Variants in CELF2 observed in about 807,000 individuals in gnomAD.
CELF2 encodes the protein CUGBP Elav-like family member 2.
In CELF2, 8 loss-of-function variants were observed where a neutral mutation model predicts 62.6. The observed-to-expected ratio is 0.13, with a 90% CI of 0.07 to 0.23. CELF2 has a LOEUF of 0.23. Among genes scored for constraint, CELF2 ranks in the 10% least tolerant of loss-of-function variants. The probability of loss-of-function intolerance (pLI) is 1.00; values close to 1 mark genes in which losing one functional copy is unlikely to be tolerated. For missense variants in CELF2, 333 were observed against 671.0 expected, an observed-to-expected ratio of 0.50 and a Z score of 5.56; for synonymous variants, 258 against 250.0, an observed-to-expected ratio of 1.03 and a Z score of -0.30.
intron 1 of CELF2, among the ~76,000 whole-genome samples, chr10:11,162,877 G>A (rs999965970): frequency 5.9e-5 from 9 of 152,240 alleles, no homozygotes; most frequent in Middle Eastern, 3.4e-3. Context: ...GATGGAGTCC[G>A]CTATACCCAT....
the CELF2 span, among the ~76,000 whole-genome samples, chr10:10,485,242 T>G: frequency 9.8e-3 from 1,496 of 152,316 alleles, 25 homozygotes; most frequent in African/African-American, 0.034. Context: ...AAGGCAGTGA[T>G]GAGTAATGCC....
At chr10:11,144,792 T>A (rs2061954024) in intron 1 of CELF2, among the ~76,000 whole-genome samples, 1 of 149,004 alleles carries the variant, frequency 6.7e-6, no homozygotes, top group African/African-American at 2.5e-5. Flanking sequence ...CTCGGGAGGC[T>A]GAAGTGGGAG....
intron 1 of CELF2, among the ~76,000 whole-genome samples, chr10:11,089,464 ATCTC>A (rs2047716586): frequency 6.6e-6 from 1 of 152,224 alleles, no homozygotes; most frequent in South Asian, 2.1e-4. Flanking sequence ...TGCTGCAGGC[ATCTC>A]GACATTTAGA....
intron 1 of CELF2, among the ~76,000 whole-genome samples, chr10:11,144,163 G>T (rs1309813902): frequency 2.0e-5 from 3 of 152,112 alleles, no homozygotes; most frequent in Admixed American, 2.0e-4. Context: ...GCCTTCGGAA[G>T]ACATTTGCAG....
chr10:11,009,903 G>A (rs1343940673), intron 1 of CELF2, among the ~76,000 whole-genome samples: 2 of 152,240 alleles, frequency 1.3e-5, no homozygotes, highest in East Asian at 3.8e-4. Flanking sequence ...CAGAAGGCCT[G>A]CAGCTGCAAT....
At chr10:10,705,871 C>T in the CELF2 span, among the ~76,000 whole-genome samples, 2 of 152,160 alleles carry the variant, frequency 1.3e-5, 1 homozygote, top group South Asian at 4.1e-4. Context: ...GTAATCACTC[C>T]TTGTGTTGCC....
chr10:11,289,573 C>T (rs536370010), intron 9 of CELF2, among the ~76,000 whole-genome samples: 7 of 152,230 alleles, frequency 4.6e-5, no homozygotes, highest in African/African-American at 7.2e-5. Context: ...GGGATTGTTT[C>T]GAGGGAGAAG....
chr10:10,918,177 C>T (rs904668966), intron 1 of CELF2, among the ~76,000 whole-genome samples: 5 of 152,244 alleles, frequency 3.3e-5, no homozygotes, highest in African/African-American at 1.2e-4. Flanking sequence ...AAAACAGACA[C>T]TTAAAAGAGA....
At chr10:11,044,243 G>T (rs142667494) in intron 1 of CELF2, among the ~76,000 whole-genome samples, 1 of 152,044 alleles carries the variant, frequency 6.6e-6, no homozygotes, top group African/African-American at 2.4e-5. Flanking sequence ...TTGCTTTTCC[G>T]TATTGTCTAC....
intron 1 of CELF2, among the ~76,000 whole-genome samples, chr10:11,139,612 G>A (rs1189430623): frequency 6.6e-6 from 1 of 152,142 alleles, no homozygotes; most frequent in African/African-American, 2.4e-5. Flanking sequence ...TACAAGGAAG[G>A]TATCGCTCAA....
chr10:11,070,412 A>G (rs1213399177), intron 1 of CELF2, among the ~76,000 whole-genome samples: 1 of 152,214 alleles, frequency 6.6e-6, no homozygotes, highest in Non-Finnish European at 1.5e-5. Flanking sequence ...AAGGGAAGCC[A>G]TCTAAGGGAA....
chr10:11,054,603 A>G (rs2140199644), intron 1 of CELF2, among the ~76,000 whole-genome samples: 1 of 152,220 alleles, frequency 6.6e-6, no homozygotes, highest in African/African-American at 2.4e-5. Flanking sequence ...GGCCTACAGG[A>G]CACTCTGGTG....
intron 2 of CELF2, among the ~76,000 whole-genome samples, chr10:10,924,281 C>CAAAAAAAAAAAAAAAAAAAAAAAAAAAA (rs11415164): frequency 2.2e-5 from 1 of 45,092 alleles, no homozygotes; most frequent in African/African-American, 8.6e-5. Context: ...GACTCCGTCC[C>CAAAAAAAAAAAAAAAAAAAAAAAAAAAA]AAAAAAAAAA....
At chr10:10,927,007 C>T (rs2065540700) in intron 2 of CELF2, 1 of 152,248 alleles carries the variant, frequency 6.6e-6, no homozygotes, top group African/African-American at 2.4e-5. Flanking sequence ...CATTCTTCAT[C>T]AGTCTTCTGT....
the CELF2 span, among the ~76,000 whole-genome samples, chr10:10,555,991 T>C: frequency 3.9e-5 from 6 of 152,204 alleles, no homozygotes; most frequent in African/African-American, 1.4e-4. Flanking sequence ...ATATAATACT[T>C]TACTGAACTT....
At chr10:11,125,443 A>AT in intron 1 of CELF2, among the ~76,000 whole-genome samples, 1 of 59,254 alleles carries the variant, frequency 1.7e-5, no homozygotes, top group Non-Finnish European at 2.9e-5. Context: ...GTAACTGGAT[A>AT]AAAAAAAAAA....
chr10:11,064,292 G>C (rs139754158), intron 1 of CELF2, among the ~76,000 whole-genome samples: 21 of 152,234 alleles, frequency 1.4e-4, no homozygotes, highest in Non-Finnish European at 2.5e-4. Flanking sequence ...CTTTAACTAC[G>C]TTCCACATTT....
At chr10:10,561,976 G>A in the CELF2 span, among the ~76,000 whole-genome samples, 3 of 152,086 alleles carry the variant, frequency 2.0e-5, no homozygotes, top group African/African-American at 4.8e-5. Flanking sequence ...AGAGTGATGC[G>A]ATACCAGGAT....
the CELF2 span, among the ~76,000 whole-genome samples, chr10:10,600,611 G>T: frequency 2.6e-5 from 4 of 152,154 alleles, no homozygotes; most frequent in African/African-American, 9.7e-5. Flanking sequence ...GGGAAGAGGA[G>T]ACAAACATAA....
Sources: gnomAD v4.1 joint callset for allele counts (sites outside exome capture counted in the v4.1 genomes callset) on GRCh38, gnomAD v4.1.1 for gene constraint, MANE v1.5 for transcripts, NCBI Gene and HGNC (gene_info 2026-07-23, HGNC 2026-07-21) for gene names.